The following MNAT1 variants were observed in gnomAD, a reference collection of about 807,000 sequenced individuals.
The protein encoded by MNAT1 is CDK-activating kinase assembly factor MAT1.
A neutral mutation model predicts 42.0 loss-of-function variants in MNAT1; 43 were observed. The ratio of observed to expected loss-of-function variants is 1.02; its 90% confidence interval spans 0.80 to 1.32. The LOEUF (loss-of-function observed/expected upper bound fraction) is 1.32, where lower values mean the gene tolerates loss of function less well. MNAT1 is among the 40% of genes most tolerant of loss of function. The pLI is 0.00. For missense variants in MNAT1, 306 were observed against 350.4 expected, an observed-to-expected ratio of 0.87 and a Z score of 1.01; for synonymous variants, 118 against 120.0, an observed-to-expected ratio of 0.98 and a Z score of 0.11.
chr14:60,895,273 A>G (rs1016917694), intron 7 of MNAT1, among the ~76,000 whole-genome samples: 2 of 152,208 alleles, frequency 1.3e-5, no homozygotes, highest in African/African-American at 4.8e-5. Flanking sequence ...CTGTAGACCT[A>G]AAAATATATT....
intron 6 of MNAT1, among the ~76,000 whole-genome samples, chr14:60,860,733 C>G (rs2034077603): frequency 6.6e-6 from 1 of 152,140 alleles, no homozygotes; most frequent in Admixed American, 6.5e-5. Context: ...ATGCTTTTAA[C>G]ATTGTGTTGG....
At chr14:60,857,202 A>T (rs1227867567) in intron 6 of MNAT1, among the ~76,000 whole-genome samples, 2 of 152,186 alleles carry the variant, frequency 1.3e-5, no homozygotes, top group Non-Finnish European at 2.9e-5. Context: ...GAGCTCTGAC[A>T]GATGTACGAG....
Position 60,968,818 on chromosome 14 carries a change from A to G in MNAT1, c.*469A>G, listed in dbSNP as rs531736794. Reference sequence around the variant, plus strand: ...TTCCCCTTTTTCCTAATGTCTTGTTAATACTAGTCCAGACAAGTGGATATA... The same window carrying G: ...TTCCCCTTTTTCCTAATGTCTTGTTGATACTAGTCCAGACAAGTGGATATA... On this transcript the variant is annotated 3_prime_UTR_variant, in exon 8 of 8. Transcript: ENST00000261245. The G allele has an allele frequency of 4.5e-5, 12 of 268,138 alleles. No individual in the cohort carries two copies. Among genetic ancestry groups the G allele is most frequent in the Middle Eastern group, 1.3e-3 (1 of 754 alleles). The allele number at this position is 268,138 out of a possible 1,614,324, so 16.6% of individuals were successfully genotyped here. A position where few individuals can be genotyped will look rare whatever the true frequency, so the allele number is the denominator to read the frequency against.
At chr14:60,962,907 A>G (rs1476126727) in intron 7 of MNAT1, among the ~76,000 whole-genome samples, 2 of 152,192 alleles carry the variant, frequency 1.3e-5, no homozygotes, top group African/African-American at 4.8e-5. Flanking sequence ...TAGATGGTAA[A>G]GTGTAAGAGT....
At chr14:60,791,085 C>T (rs2031802050) in intron 1 of MNAT1, among the ~76,000 whole-genome samples, 1 of 152,200 alleles carries the variant, frequency 6.6e-6, no homozygotes. Flanking sequence ...TAACTCTTTC[C>T]TTTTCCCTTG....
intron 1 of MNAT1, among the ~76,000 whole-genome samples, chr14:60,762,928 G>T (rs907647552): frequency 3.3e-5 from 5 of 152,046 alleles, no homozygotes; most frequent in Non-Finnish European, 7.4e-5. Context: ...TTTGCAGTTT[G>T]GTTTATCAGT....
At chr14:60,838,520 T>A (rs1255177201) in intron 6 of MNAT1, among the ~76,000 whole-genome samples, 1 of 152,188 alleles carries the variant, frequency 6.6e-6, no homozygotes, top group African/African-American at 2.4e-5. Flanking sequence ...AAGATTTAAT[T>A]TGCTTTATTT....
intron 1 of MNAT1, among the ~76,000 whole-genome samples, chr14:60,783,932 C>T (rs987030113): frequency 1.3e-5 from 2 of 152,100 alleles, no homozygotes; most frequent in African/African-American, 4.8e-5. Context: ...TGGGCTCAAG[C>T]GATCCTTGCA....
chr14:60,766,619 C>T (rs550824116), intron 1 of MNAT1, among the ~76,000 whole-genome samples: 103 of 145,396 alleles, frequency 7.1e-4, no homozygotes, highest in South Asian at 1.3e-3. Context: ...GGCTGAGGCA[C>T]GAGAATTGCT....
At chr14:60,895,679 C>G (rs1566541550) in intron 7 of MNAT1, among the ~76,000 whole-genome samples, 1 of 152,164 alleles carries the variant, frequency 6.6e-6, no homozygotes, top group Admixed American at 6.5e-5. Flanking sequence ...TGCCTATAAT[C>G]CTAGCACTTT....
At chr14:60,889,437 T>C (rs1285112276) in intron 7 of MNAT1, among the ~76,000 whole-genome samples, 2 of 152,092 alleles carry the variant, frequency 1.3e-5, no homozygotes, top group Non-Finnish European at 2.9e-5. Flanking sequence ...TTACACCTTA[T>C]ACAAAAATTA....
At chr14:60,817,981 T>C (rs1361500647) in intron 5 of MNAT1, among the ~76,000 whole-genome samples, 1 of 151,872 alleles carries the variant, frequency 6.6e-6, no homozygotes, top group East Asian at 1.9e-4. Flanking sequence ...TTTGGATTCT[T>C]ATTTAACTGA....
chr14:60,832,217 A>G (rs1414316567), intron 6 of MNAT1, among the ~76,000 whole-genome samples: 1 of 152,152 alleles, frequency 6.6e-6, no homozygotes, highest in Non-Finnish European at 1.5e-5. Flanking sequence ...GGCTGTTGCC[A>G]TTACTTTTGG....
intron 1 of MNAT1, among the ~76,000 whole-genome samples, chr14:60,745,204 A>G (rs1406625832): frequency 1.3e-5 from 2 of 152,166 alleles, no homozygotes; most frequent in Non-Finnish European, 1.5e-5. Context: ...TCACCTTGTG[A>G]GTTTCCCATC....
chr14:60,882,227 C>T (rs1228084789), intron 7 of MNAT1, among the ~76,000 whole-genome samples: 1 of 152,090 alleles, frequency 6.6e-6, no homozygotes, highest in Non-Finnish European at 1.5e-5. Flanking sequence ...ACCATCCCCA[C>T]ATCCTCTCCC....
At chr14:60,898,138 TGTGCGC>T (rs1320466245) in intron 7 of MNAT1, among the ~76,000 whole-genome samples, 187 of 19,264 alleles carry the variant, frequency 9.7e-3, no homozygotes, top group African/African-American at 0.035. Flanking sequence ...TGTGTGTGTG[TGTGCGC>T]GCGCCACATT....
intron 1 of MNAT1, among the ~76,000 whole-genome samples, chr14:60,788,869 C>T (rs1346883891): frequency 1.3e-5 from 2 of 152,158 alleles, no homozygotes; most frequent in Non-Finnish European, 2.9e-5. Flanking sequence ...GATCTTTTAT[C>T]CAGACCACTG....
At chr14:60,770,910 C>A (rs1236636282) in intron 1 of MNAT1, among the ~76,000 whole-genome samples, 1 of 152,118 alleles carries the variant, frequency 6.6e-6, no homozygotes, top group Non-Finnish European at 1.5e-5. Flanking sequence ...CATTGTAGGA[C>A]TGTACTGCAT....
Position 60,968,674 on chromosome 14 carries a change from A to G in MNAT1, c.*325A>G, listed in dbSNP as rs924013427. On this transcript the variant is annotated 3_prime_UTR_variant, in exon 8 of 8. Transcript: ENST00000261245. Reference sequence around the variant, plus strand: ...TTTTTAAAAAATAAAGCTATAATTTATATTAAGTTCTGTGGTTTTTCTCTT... The same window carrying G: ...TTTTTAAAAAATAAAGCTATAATTTGTATTAAGTTCTGTGGTTTTTCTCTT... The G allele has an allele frequency of 6.4e-6, 3 of 472,366 alleles. No homozygotes were observed. The highest frequency in any genetic ancestry group is 6.3e-5 in the African/African-American group (3 of 47,540). The allele number at this position is 472,366 out of a possible 1,614,324, so 29.3% of individuals were successfully genotyped here.
Sources: allele counts gnomAD v4.1 joint callset (sites outside exome capture counted in the v4.1 genomes callset), GRCh38; gene constraint gnomAD v4.1.1; transcripts MANE v1.5; gene names NCBI Gene and HGNC (gene_info 2026-07-23, HGNC 2026-07-21).